BRD10: variants seen among roughly 807,000 people sequenced by gnomAD.
The protein encoded by BRD10 is bromodomain containing 10.
At chr9:5,888,562 G>C in the BRD10 span, among the ~76,000 whole-genome samples, 1 of 152,130 alleles carries the variant, frequency 6.6e-6, no homozygotes, top group Admixed American at 6.6e-5. Flanking sequence ...TTGCAACATC[G>C]ACAATGCATT....
chr9:5,901,666 A>G, the BRD10 span, among the ~76,000 whole-genome samples: 1 of 151,918 alleles, frequency 6.6e-6, no homozygotes, highest in Non-Finnish European at 1.5e-5. Context: ...CCACAGGTGT[A>G]AGCCACCACG....
the BRD10 span, chr9:5,933,955 A>T: frequency 2.4e-6 from 1 of 415,196 alleles, no homozygotes; most frequent in East Asian, 7.1e-5. Flanking sequence ...TATTTTGCAC[A>T]CTTTAATTTA....
At chr9:5,972,131 T>C in the BRD10 span, among the ~76,000 whole-genome samples, 2 of 152,254 alleles carry the variant, frequency 1.3e-5, no homozygotes, top group South Asian at 2.1e-4. Context: ...GAACTCCTAC[T>C]ACTACAGTGA....
chr9:5,909,198 C>G, the BRD10 span: 3 of 153,972 alleles, frequency 1.9e-5, no homozygotes, highest in African/African-American at 7.2e-5. Context: ...AAGAACATGT[C>G]AGCAATGTCT....
chr9:5,956,159 A>C, the BRD10 span, among the ~76,000 whole-genome samples: 2 of 152,156 alleles, frequency 1.3e-5, no homozygotes, highest in African/African-American at 4.8e-5. Flanking sequence ...GTATTCATTT[A>C]TAAGCACAAC....
At chr9:5,982,933 T>C in the BRD10 span, among the ~76,000 whole-genome samples, 16 of 152,300 alleles carry the variant, frequency 1.1e-4, no homozygotes, top group Admixed American at 2.6e-4. Context: ...GTATTTTAAA[T>C]TTTGAATTTT....
At chr9:5,973,737 C>T in the BRD10 span, among the ~76,000 whole-genome samples, 1 of 151,940 alleles carries the variant, frequency 6.6e-6, no homozygotes, top group Admixed American at 6.6e-5. Flanking sequence ...AAAAAACGGG[C>T]CTGGTGTGGT....
chr9:5,952,461 T>C, the BRD10 span, among the ~76,000 whole-genome samples: 18 of 152,352 alleles, frequency 1.2e-4, no homozygotes, highest in Admixed American at 1.1e-3. Flanking sequence ...TGAGTGTACA[T>C]ATTCACACTG....
chr9:5,961,082 G>C, the BRD10 span, among the ~76,000 whole-genome samples: 1 of 152,162 alleles, frequency 6.6e-6, no homozygotes, highest in Admixed American at 6.5e-5. Flanking sequence ...TCATTTATTT[G>C]TTCAGTATAT....
At chr9:5,887,064 GC>G in the BRD10 span, among the ~76,000 whole-genome samples, 1 of 152,096 alleles carries the variant, frequency 6.6e-6, no homozygotes, top group Non-Finnish European at 1.5e-5. Context: ...TTCGAGACCA[GC>G]CTGGCCAAAA....
chr9:5,969,997 A>G, the BRD10 span, among the ~76,000 whole-genome samples: 1 of 152,222 alleles, frequency 6.6e-6, no homozygotes, highest in Non-Finnish European at 1.5e-5. Flanking sequence ...TTTATAATGT[A>G]TATCAACTTC....
the BRD10 span, among the ~76,000 whole-genome samples, chr9:5,951,208 A>G: frequency 1.3e-5 from 2 of 152,126 alleles, no homozygotes; most frequent in Non-Finnish European, 2.9e-5. Flanking sequence ...ATAAACATGG[A>G]TTCTTTCTGA....
At chr9:5,949,808 G>C in the BRD10 span, among the ~76,000 whole-genome samples, 4 of 152,106 alleles carry the variant, frequency 2.6e-5, no homozygotes, top group Non-Finnish European at 2.9e-5. Flanking sequence ...TATAACATTA[G>C]ATTTCTCTCT....
the BRD10 span, among the ~76,000 whole-genome samples, chr9:5,950,707 G>A: frequency 3.3e-5 from 5 of 152,014 alleles, no homozygotes; most frequent in Admixed American, 2.6e-4. Flanking sequence ...ATATACAGTC[G>A]TCCCTCGGTA....
the BRD10 span, chr9:5,920,817 T>C: frequency 5.6e-6 from 9 of 1,613,992 alleles, no homozygotes; most frequent in East Asian, 2.2e-5. Context: ...ACTGGTTGTG[T>C]AGTTGAAATC....
At chr9:5,927,789 CATCTT>C in the BRD10 span, among the ~76,000 whole-genome samples, 3 of 152,164 alleles carry the variant, frequency 2.0e-5, no homozygotes, top group Non-Finnish European at 4.4e-5. Flanking sequence ...GAGTCCTACT[CATCTT>C]GGCCACTTCT....
At chr9:5,988,231 T>C in the BRD10 span, 2 of 705,446 alleles carry the variant, frequency 2.8e-6, no homozygotes, top group East Asian at 5.2e-5. Flanking sequence ...TCATTATGAA[T>C]TCATACTTTT....
chr9:5,922,038 C>G, the BRD10 span: 3 of 1,613,994 alleles, frequency 1.9e-6, no homozygotes, highest in East Asian at 4.5e-5. Context: ...ACCAGAAATG[C>G]CTGCAGCTGA....
the BRD10 span, among the ~76,000 whole-genome samples, chr9:5,951,891 A>G: frequency 6.6e-6 from 1 of 152,172 alleles, no homozygotes; most frequent in Non-Finnish European, 1.5e-5. Flanking sequence ...TAAACTAGGC[A>G]TAAGAACCAC....
Sources: allele counts gnomAD v4.1 joint callset (sites outside exome capture counted in the v4.1 genomes callset), GRCh38; gene constraint gnomAD v4.1.1; transcripts MANE v1.5; gene names NCBI Gene and HGNC (gene_info 2026-07-23, HGNC 2026-07-21).